Variants in SYNE1 observed in about 807,000 individuals in gnomAD.
SYNE1 encodes spectrin repeat containing nuclear envelope protein 1.
SYNE1 carries 616 observed loss-of-function variants against 1,111.0 expected under a neutral mutation model. The observed-to-expected ratio is 0.55, with a 90% CI of 0.52 to 0.59. The LOEUF (loss-of-function observed/expected upper bound fraction) is 0.59. Among genes scored for constraint, SYNE1 ranks in the 20% least tolerant of loss-of-function variants. The probability of loss-of-function intolerance (pLI) is 0.00; values close to 1 mark genes in which losing one functional copy is unlikely to be tolerated. For missense variants in SYNE1, 10,006 were observed against 10,417.0 expected (o/e 0.96, Z 1.72); for synonymous variants, 3,855 against 3,825.8 (o/e 1.01, Z -0.28).
chr6:152,234,631 T>C (rs771920792), intron 111 of SYNE1, 37 bp downstream of exon 111: 9 of 1,613,858 alleles, frequency 5.6e-6, no homozygotes, highest in Middle Eastern at 1.6e-4. Context: ...GCCTAACTTA[T>C]AGGCCTGAAT....
intron 104 of SYNE1, among the ~76,000 whole-genome samples, chr6:152,252,226 C>T (rs2153604614): frequency 6.6e-6 from 1 of 152,132 alleles, no homozygotes; most frequent in African/African-American, 2.4e-5. Context: ...GAGCTGAGAT[C>T]TCCCCATTGC....
intron 3 of SYNE1, among the ~76,000 whole-genome samples, chr6:152,572,813 T>G (rs1222793761): frequency 6.6e-6 from 1 of 152,170 alleles, no homozygotes; most frequent in Non-Finnish European, 1.5e-5. Context: ...GTGTTGTGTG[T>G]GAATGATGTG....
intron 49 of SYNE1, among the ~76,000 whole-genome samples, chr6:152,397,776 G>A (rs2097758279): frequency 2.0e-5 from 3 of 152,032 alleles, no homozygotes; most frequent in African/African-American, 7.2e-5. Flanking sequence ...CAAGGCGGGT[G>A]GATCACCTGA....
chr6:152,301,519 T>C (rs1238832448), intron 92 of SYNE1, among the ~76,000 whole-genome samples: 1 of 152,218 alleles, frequency 6.6e-6, no homozygotes, highest in African/African-American at 2.4e-5. Flanking sequence ...ATATATGCCA[T>C]GAATTTCCCA....
intron 131 of SYNE1, 21 bp downstream of exon 131, chr6:152,164,142 C>T: frequency 6.2e-7 from 1 of 1,613,986 alleles, no homozygotes; most frequent in Non-Finnish European, 8.5e-7. Flanking sequence ...TTATTAATTC[C>T]ATTTCCATTT....
At chr6:152,364,188 T>C (rs535446620) in intron 63 of SYNE1, among the ~76,000 whole-genome samples, 1 of 152,216 alleles carries the variant, frequency 6.6e-6, no homozygotes, top group East Asian at 1.9e-4. Context: ...AAGGATGTGT[T>C]TGCTTCCCCT....
chr6:152,470,601 T>C (rs1347776809), intron 16 of SYNE1, among the ~76,000 whole-genome samples: 1 of 152,140 alleles, frequency 6.6e-6, no homozygotes, highest in Non-Finnish European at 1.5e-5. Context: ...CTGTATGTTG[T>C]TCACCCGTCA....
At chr6:152,207,268 C>T (rs1332026773) in intron 125 of SYNE1, among the ~76,000 whole-genome samples, 2 of 152,058 alleles carry the variant, frequency 1.3e-5, no homozygotes, top group African/African-American at 2.4e-5. Context: ...CTGCTGGGAC[C>T]CACAGGGTAC....
Position 152,255,653 on chromosome 6 carries a change from G to A in SYNE1, c.19198C>T (p.Arg6400Cys), listed in dbSNP as rs770043769. ...AAAAGTGCTGTGGCAACAAATAAAC[G>A]TTCTTCAACGTCATCCAACCAAGTA... ...TSTWLDDVEE[R>C]LFVATALLPE... Residue 6400 changes from arginine to cysteine, a missense_variant, in exon 103 of 146, where the codon CGT (arginine) becomes TGT (cysteine). Coordinates refer to ENST00000367255, the MANE Select transcript of SYNE1 (RefSeq NM_182961.4). The A allele has an allele frequency of 1.4e-5, 22 of 1,614,166 alleles. No homozygotes were observed. The highest frequency in any genetic ancestry group is 1.6e-4 in the Middle Eastern group (1 of 6,062).
At chr6:152,392,851 A>G (rs1038658522) in intron 51 of SYNE1, among the ~76,000 whole-genome samples, 2 of 152,256 alleles carry the variant, frequency 1.3e-5, no homozygotes, top group African/African-American at 4.8e-5. Context: ...TTAATGCATG[A>G]TAAAAATTCA....
At chr6:152,210,744 A>G (rs2077376990) in intron 124 of SYNE1, among the ~76,000 whole-genome samples, 1 of 152,224 alleles carries the variant, frequency 6.6e-6, no homozygotes, top group East Asian at 1.9e-4. Flanking sequence ...AGTCGATTAG[A>G]TAAAGTAAAT....
At chr6:152,527,683 A>G (rs1057347854) in intron 4 of SYNE1, among the ~76,000 whole-genome samples, 1 of 152,240 alleles carries the variant, frequency 6.6e-6, no homozygotes, top group African/African-American at 2.4e-5. Flanking sequence ...TGTTTGATAC[A>G]TTCAGTGAGC....
At chr6:152,278,368 G>A in intron 97 of SYNE1, 88 bp from the exon 98 acceptor site, 2 of 1,488,978 alleles carry the variant, frequency 1.3e-6, no homozygotes. Flanking sequence ...GCCCTTTGGA[G>A]TCTTTTACGA....
At chr6:152,515,269 T>C (rs1248646698) in intron 6 of SYNE1, among the ~76,000 whole-genome samples, 1 of 151,950 alleles carries the variant, frequency 6.6e-6, no homozygotes, top group Non-Finnish European at 1.5e-5. Context: ...ATTTGAATTA[T>C]TTGGAAATAA....
chr6:152,248,710 T>C (rs2153589126), intron 105 of SYNE1, among the ~76,000 whole-genome samples: 1 of 152,322 alleles, frequency 6.6e-6, no homozygotes, highest in Middle Eastern at 3.4e-3. Flanking sequence ...CTCTTTACCG[T>C]GATATCTTTC....
At chr6:152,174,799 GAAC>G (rs2065998953) in intron 130 of SYNE1, among the ~76,000 whole-genome samples, 1 of 152,274 alleles carries the variant, frequency 6.6e-6, no homozygotes, top group Admixed American at 6.5e-5. Context: ...AGGACATTAT[GAAC>G]AATACACAAA....
At chr6:152,539,916 G>A (rs1443997970) in intron 4 of SYNE1, 44 bp downstream of exon 4, 2 of 1,593,010 alleles carry the variant, frequency 1.3e-6, no homozygotes, top group Non-Finnish European at 1.7e-6. Context: ...ATGATTTACT[G>A]GCTCAACCTA....
chr6:152,556,525 A>G (rs1360771969), intron 3 of SYNE1, among the ~76,000 whole-genome samples: 1 of 152,118 alleles, frequency 6.6e-6, no homozygotes, highest in African/African-American at 2.4e-5. Flanking sequence ...CCATGAACTC[A>G]GACCAAAAGC....
At chr6:152,511,756 A>T (rs1381714678) in intron 6 of SYNE1, among the ~76,000 whole-genome samples, 1 of 152,184 alleles carries the variant, frequency 6.6e-6, no homozygotes, top group Admixed American at 6.5e-5. Context: ...ATAGCAAAAC[A>T]GAGCCTATTA....
Sources: gnomAD v4.1 joint callset for allele counts (sites outside exome capture counted in the v4.1 genomes callset) on GRCh38, gnomAD v4.1.1 for gene constraint, MANE v1.5 for transcripts, NCBI Gene and HGNC (gene_info 2026-07-23, HGNC 2026-07-21) for gene names.